CLIP4: variants seen among roughly 807,000 people sequenced by gnomAD.
The protein encoded by CLIP4 is CAP-Gly domain containing linker protein family member 4, also known as CAP-Gly domain-containing linker protein 4.
CLIP4 carries 47 observed loss-of-function variants against 73.1 expected under a neutral mutation model. The observed-to-expected ratio is 0.64, with a 90% CI of 0.51 to 0.82. The LOEUF is 0.82. CLIP4 is among the 40% of genes least tolerant of loss of function. CLIP4 has a pLI of 0.00. For missense variants in CLIP4, 874 were observed against 852.9 expected (o/e 1.02, Z -0.31); for synonymous variants, 306 against 295.4 (o/e 1.04, Z -0.37).
At chr2:29,134,040 T>C (rs1301293055) in intron 5 of CLIP4, among the ~76,000 whole-genome samples, 1 of 152,118 alleles carries the variant, frequency 6.6e-6, no homozygotes. Flanking sequence ...AAGAGTGTTC[T>C]CTGGGTTTTC....
intron 11 of CLIP4, among the ~76,000 whole-genome samples, chr2:29,158,656 G>T (rs1667094894): frequency 6.6e-6 from 1 of 152,160 alleles, no homozygotes; most frequent in Admixed American, 6.5e-5. Flanking sequence ...AGACTGCAGA[G>T]AACGAACAAT....
In CLIP4 at chr2:29,165,975, C is replaced by CTT. The variant is rs1553378640; in HGVS notation, c.1659-1501_1659-1500insTT. ...ATTTAAAAAGCAGCCCCCTCTTCTT[C>CTT]AAAAAAAAAAAAATAGGGCTGTCTC... On this transcript the variant is annotated intron_variant, in intron 13 of 15. Transcript: ENST00000320081. Among the ~76,000 whole-genome samples, 68 of 146,264 alleles carry CTT rather than the reference C, an allele frequency of 4.6e-4. 1 individual carries two copies. The highest frequency in any genetic ancestry group is 1.5e-3 in the South Asian group (7 of 4,580).
At chr2:29,125,839 C>G (rs964695449) in intron 2 of CLIP4, among the ~76,000 whole-genome samples, 2 of 152,134 alleles carry the variant, frequency 1.3e-5, no homozygotes, top group Admixed American at 1.3e-4. Context: ...AAGTAGACAT[C>G]ACCTCCATTT....
intron 5 of CLIP4, among the ~76,000 whole-genome samples, chr2:29,135,225 A>G (rs1312598801): frequency 1.3e-5 from 2 of 152,352 alleles, no homozygotes; most frequent in South Asian, 2.1e-4. Context: ...AATATGCAAC[A>G]GACTTAATGG....
chr2:29,144,171 AGAGTG>A (rs1292004744), intron 7 of CLIP4, among the ~76,000 whole-genome samples: 5 of 151,854 alleles, frequency 3.3e-5, no homozygotes, highest in African/African-American at 1.2e-4. Context: ...ATTTGAATAA[AGAGTG>A]GAGTGGAGTA....
chr2:29,137,737 T>G (rs971679859), intron 6 of CLIP4, among the ~76,000 whole-genome samples: 12 of 152,170 alleles, frequency 7.9e-5, no homozygotes, highest in African/African-American at 2.9e-4. Flanking sequence ...AGTCTCTCAT[T>G]GTGGTGTTGA....
chr2:29,158,098 A>C (rs972847622), intron 11 of CLIP4, among the ~76,000 whole-genome samples: 3 of 152,208 alleles, frequency 2.0e-5, no homozygotes, highest in Non-Finnish European at 4.4e-5. Context: ...ACATTGACAT[A>C]ATAAGCCTAA....
At chr2:29,110,877 C>A (rs1285117227), upstream of CLIP4, among the ~76,000 whole-genome samples, 1 of 152,080 alleles carries the variant, frequency 6.6e-6, no homozygotes, top group Non-Finnish European at 1.5e-5. Flanking sequence ...TTAGCAGAGA[C>A]CAGGTTTTAC....
chr2:29,116,464 C>T (rs1042380856), intron 1 of CLIP4, among the ~76,000 whole-genome samples: 3 of 152,224 alleles, frequency 2.0e-5, no homozygotes, highest in Non-Finnish European at 2.9e-5. Context: ...TTTCAGTAAA[C>T]ACCTTCCTCA....
chr2:29,141,778 A>C (rs886651534), intron 6 of CLIP4, among the ~76,000 whole-genome samples: 13 of 151,354 alleles, frequency 8.6e-5, no homozygotes, highest in Non-Finnish European at 1.9e-4. Context: ...TTCCCACTCT[A>C]TGTCTTTTGA....
At chr2:29,176,850 C>T (rs1282747201) in intron 15 of CLIP4, among the ~76,000 whole-genome samples, 1 of 152,128 alleles carries the variant, frequency 6.6e-6, no homozygotes, top group African/African-American at 2.4e-5. Context: ...TTTGGTCAGC[C>T]CAAATTTGAT....
At chr2:29,126,250 ATACTT>A (rs1664594150) in intron 2 of CLIP4, among the ~76,000 whole-genome samples, 1 of 152,234 alleles carries the variant, frequency 6.6e-6, no homozygotes, top group African/African-American at 2.4e-5. Context: ...AGCATAAAAA[ATACTT>A]TATTTTCCTT....
At chr2:29,136,248 C>T (rs1665350356) in intron 6 of CLIP4, among the ~76,000 whole-genome samples, 1 of 151,274 alleles carries the variant, frequency 6.6e-6, no homozygotes, top group African/African-American at 2.4e-5. Flanking sequence ...CAATAACTCG[C>T]TCTGGCAGGT....
chr2:29,168,087 A>C (rs1558577284), intron 14 of CLIP4, among the ~76,000 whole-genome samples: 1 of 152,050 alleles, frequency 6.6e-6, no homozygotes, highest in African/African-American at 2.4e-5. Flanking sequence ...TGCATACTCT[A>C]TCTGCCATGG....
At chr2:29,141,021 T>A (rs565456061) in intron 6 of CLIP4, among the ~76,000 whole-genome samples, 1 of 152,326 alleles carries the variant, frequency 6.6e-6, no homozygotes, top group South Asian at 2.1e-4. Flanking sequence ...TTTGGTATAT[T>A]GTGTCTCTAT....
At chr2:29,113,652 G>A (rs1286488327), upstream of CLIP4, among the ~76,000 whole-genome samples, 5 of 152,218 alleles carry the variant, frequency 3.3e-5, no homozygotes, top group Non-Finnish European at 7.4e-5. The surrounding 1 kb of genome is among the most constrained non-coding windows in gnomAD (Gnocchi z 4.0). Context: ...GGCCTGGCTG[G>A]TTCTAACAGA....
chr2:29,170,434 C>T (rs536751390), intron 14 of CLIP4, among the ~76,000 whole-genome samples: 1 of 152,334 alleles, frequency 6.6e-6, no homozygotes, highest in African/African-American at 2.4e-5. Context: ...TGCCTGTTCA[C>T]ATCTTCTGCT....
At chr2:29,157,444 T>A (rs1667002041) in intron 11 of CLIP4, 97 bp downstream of exon 11, 1 of 1,592,642 alleles carries the variant, frequency 6.3e-7, no homozygotes, top group Non-Finnish European at 8.6e-7. Flanking sequence ...AAGGAACCCT[T>A]TACTTCAATC....
intron 6 of CLIP4, among the ~76,000 whole-genome samples, chr2:29,136,197 T>TTTTC (rs1665344000): frequency 6.6e-6 from 1 of 152,014 alleles, no homozygotes; most frequent in Non-Finnish European, 1.5e-5. Context: ...TGTTTTTTTT[T>TTTTC]TTCAGAAAGT....
Sources: gnomAD v4.1 joint callset for allele counts (sites outside exome capture counted in the v4.1 genomes callset) on GRCh38, gnomAD v4.1.1 for gene constraint, Gnocchi (gnomAD v3.1) non-coding constraint, MANE v1.5 for transcripts, NCBI Gene and HGNC (gene_info 2026-07-23, HGNC 2026-07-21) for gene names.